Variants in CHD6 observed in about 807,000 individuals in gnomAD.
CHD6 encodes the protein chromodomain helicase DNA binding protein 6.
CHD6 carries 50 observed loss-of-function variants against 276.9 expected under a neutral mutation model. That is an observed-to-expected ratio of 0.18 (90% CI 0.14 to 0.23). The LOEUF is 0.23. CHD6 is among the 10% of genes least tolerant of loss of function. The pLI is 1.00. For missense variants in CHD6, 2,564 were observed against 3,365.8 expected, an observed-to-expected ratio of 0.76 and a Z score of 5.89; for synonymous variants, 1,173 against 1,229.3, an observed-to-expected ratio of 0.95 and a Z score of 0.96.
intron 2 of CHD6, among the ~76,000 whole-genome samples, chr20:41,539,516 G>A (rs1568688587): frequency 6.6e-6 from 1 of 152,168 alleles, no homozygotes; most frequent in Non-Finnish European, 1.5e-5. Flanking sequence ...GGATAGAGAA[G>A]TATCCAGTGA....
intron 27 of CHD6, among the ~76,000 whole-genome samples, chr20:41,436,522 T>C (rs1002983308): frequency 6.6e-6 from 1 of 152,234 alleles, no homozygotes; most frequent in Non-Finnish European, 1.5e-5. Flanking sequence ...GGGCATTTAT[T>C]CCAGAGAAAT....
At chr20:41,417,425 T>C (rs1409174995) in intron 31 of CHD6, 76 bp from the exon 32 acceptor site, 8 of 1,290,922 alleles carry the variant, frequency 6.2e-6, no homozygotes, top group Non-Finnish European at 7.4e-6. Context: ...GATTAGGATA[T>C]CCTCTTTTCC....
intron 1 of CHD6, among the ~76,000 whole-genome samples, chr20:41,569,784 T>C (rs1428810668): frequency 6.6e-6 from 1 of 152,176 alleles, no homozygotes; most frequent in Non-Finnish European, 1.5e-5. Flanking sequence ...TATTTACATA[T>C]AGCATTTATA....
rs1334935875 is a variant in CHD6 at position 41,492,076 on chromosome 20, C to T, written c.1315-257G>A. Among the ~76,000 whole-genome samples, 4 of 152,074 alleles carry T rather than the reference C, an allele frequency of 2.6e-5. No individual in the cohort carries two copies. The South Asian group carries it at 6.2e-4, about 24-fold the overall frequency. On this transcript the variant is annotated intron_variant, in intron 10 of 36. Transcript: ENST00000373233. ...AACTCTCCCTGCTTTCTATCTGGTC[C>T]GTCACTGCATTACACCACACACCAC... is the stretch of plus-strand genomic sequence containing the variant.
At chr20:41,444,179 A>C (rs73611270) in intron 25 of CHD6, among the ~76,000 whole-genome samples, 3,457 of 152,258 alleles carry the variant, frequency 0.023, 48 homozygotes, top group South Asian at 0.043. Context: ...AACTAGGTTA[A>C]ACCAAGTCTG....
At chr20:41,408,544 C>T (rs1273247654) in intron 36 of CHD6, among the ~76,000 whole-genome samples, 2 of 152,206 alleles carry the variant, frequency 1.3e-5, no homozygotes, top group African/African-American at 2.4e-5. Context: ...GGGCCAGCCA[C>T]TCTGTCTACA....
intron 13 of CHD6, 101 bp downstream of exon 13, chr20:41,488,327 C>A: frequency 2.7e-6 from 3 of 1,100,574 alleles, no homozygotes; most frequent in African/African-American, 1.6e-5. Context: ...TAATGTAAAA[C>A]GACTAGGCAG....
At chr20:41,531,126 G>A (rs1356622992) in intron 3 of CHD6, among the ~76,000 whole-genome samples, 1 of 152,088 alleles carries the variant, frequency 6.6e-6, no homozygotes, top group East Asian at 1.9e-4. Context: ...TCATCACTTT[G>A]TTTCAGACCT....
In CHD6 at chr20:41,440,068, C is replaced by T; in HGVS notation, c.3939G>A (p.Gly1313=). ...CAGAAAGGGACTTCTCATCGGGCAT[C>T]CCAACTTTCTCCAGGAAGCAAAGTG... ...DPALCFLEKV[G]MPDEKSLSAE... Residue 1313 remains glycine, a synonymous_variant, in exon 26 of 37, where the codon GGG becomes GGA. Transcript: ENST00000373233. 6.2e-7 allele frequency: 1 copy of T among 1,614,004 alleles called. No individual in the cohort carries two copies.
At chr20:41,521,541 T>C (rs2044395972) in intron 3 of CHD6, among the ~76,000 whole-genome samples, 1 of 152,172 alleles carries the variant, frequency 6.6e-6, no homozygotes, top group East Asian at 1.9e-4. Flanking sequence ...CATGTGTATA[T>C]ATACACATAT....
At position 41,415,227 on chromosome 20, in the gene CHD6, G is replaced by A. The variant is rs2046957665; in HGVS notation, c.6898C>T (p.Leu2300Phe). ...RRKHVEGGMD[L>F]IFLKEQTLQA... ...AGTGTCTGCTCCTTCAAAAAGATGAGGTCCATCCCTCCTTCAACATGTTTC... is the reference window on the plus strand; with the variant it reads ...AGTGTCTGCTCCTTCAAAAAGATGAAGTCCATCCCTCCTTCAACATGTTTC... Residue 2300 changes from leucine (L) to phenylalanine (F), a missense_variant, in exon 34 of 37, where the codon CTC becomes TTC. This residue lies in a region of CHD6 where 1,024 missense variants were observed against 1,047.9 expected (regional missense o/e 0.98). Coordinates refer to ENST00000373233, the MANE Select transcript of CHD6 (RefSeq NM_032221.5). 1 of 1,613,986 alleles carries A rather than the reference G, an allele frequency of 6.2e-7. No homozygotes were observed. Among genetic ancestry groups the A allele is most frequent in the East Asian group, 2.2e-5 (1 of 44,880 alleles).
rs750966293 is a variant in CHD6 at position 41,405,428 on chromosome 20, C to T, written c.7313G>A (p.Gly2438Asp). ...TLAEPILRDTGPRRRGRRPRS... is the reference protein window; with the variant it reads ...TLAEPILRDTDPRRRGRRPRS... ...AGGCCGCCTCCCCCTCCTGCGGGGG[C>T]CCGTATCTCGAAGAATAGGCTCAGC... Residue 2438 changes from glycine to aspartate, a missense_variant, in exon 37 of 37, where the codon GGC becomes GAC. Physicochemically the swap from Gly to Asp is moderately conservative, Grantham distance 94. Coordinates refer to ENST00000373233, the MANE Select transcript of CHD6 (RefSeq NM_032221.5). 2 of 1,607,510 alleles carry T rather than the reference C, an allele frequency of 1.2e-6. No individual in the cohort carries two copies. The highest frequency in any genetic ancestry group is 2.2e-5 in the East Asian group (1 of 44,780).
rs1431358108 is a variant in CHD6 at position 41,484,518 on chromosome 20, C to T, written c.2091G>A (p.Thr697=). 3.1e-6 allele frequency: 5 copies of T among 1,613,736 alleles called. No homozygotes were observed. Among genetic ancestry groups the T allele is most frequent in the South Asian group, 2.2e-5 (2 of 91,058 alleles). ...VEKNLAPKQE[T]IIEVELTNIQ... ...TATTGGTCAGTTCCACCTCAATGAT[C>T]GTCTCTTGTTTGGGAGCAAGGTTCT... Residue 697 remains threonine (T), a synonymous_variant, in exon 15 of 37, where the codon ACG becomes ACA. Transcript: ENST00000373233.
chr20:41,506,319 C>A (rs1000877914), intron 5 of CHD6, among the ~76,000 whole-genome samples: 8 of 152,166 alleles, frequency 5.3e-5, no homozygotes, highest in Non-Finnish European at 1.0e-4. Context: ...ACAAATCCTA[C>A]AGGGTTCCTG....
At chr20:41,574,416 T>C (rs2045451759) in intron 1 of CHD6, among the ~76,000 whole-genome samples, 1 of 152,182 alleles carries the variant, frequency 6.6e-6, no homozygotes, top group Non-Finnish European at 1.5e-5. Context: ...TCTACTTGGG[T>C]ATTATTTAGT....
At chr20:41,513,074 T>A (rs1006312266) in intron 4 of CHD6, 79 bp from the exon 5 acceptor site, 2 of 1,473,826 alleles carry the variant, frequency 1.4e-6, no homozygotes, top group African/African-American at 2.8e-5. Flanking sequence ...TCATCTACAT[T>A]TACTAACATG....
At chr20:41,613,289 A>G (rs1052881041) in intron 1 of CHD6, among the ~76,000 whole-genome samples, 3 of 152,236 alleles carry the variant, frequency 2.0e-5, no homozygotes, top group African/African-American at 7.2e-5. Flanking sequence ...TCCTCCTAAC[A>G]TATTGAATGA....
intron 26 of CHD6, among the ~76,000 whole-genome samples, chr20:41,439,672 C>G (rs966110548): frequency 3.9e-5 from 6 of 152,176 alleles, no homozygotes; most frequent in African/African-American, 1.4e-4. Flanking sequence ...CATGGGAGGT[C>G]TGAATTCTCC....
chr20:41,437,639 T>G (rs1396421439), intron 26 of CHD6, among the ~76,000 whole-genome samples: 1 of 152,354 alleles, frequency 6.6e-6, no homozygotes, highest in African/African-American at 2.4e-5. Context: ...GTATCCTCCA[T>G]GAATAAAGTG....
Sources: allele counts gnomAD v4.1 joint callset (sites outside exome capture counted in the v4.1 genomes callset), GRCh38; gene constraint gnomAD v4.1.1; regional missense constraint gnomAD v4.1.1; transcripts MANE v1.5; gene names NCBI Gene and HGNC (gene_info 2026-07-23, HGNC 2026-07-21).